Variants in SYTL1 observed in about 807,000 individuals in gnomAD.
SYTL1 encodes the protein synaptotagmin-like protein 1.
SYTL1 carries 53 observed loss-of-function variants against 74.6 expected under a neutral mutation model. That is an observed-to-expected ratio of 0.71 (90% CI 0.57 to 0.89). The LOEUF (loss-of-function observed/expected upper bound fraction) is 0.89. SYTL1 is among the 40% of genes least tolerant of loss of function. The pLI, the probability that SYTL1 is intolerant of heterozygous loss-of-function variation, is 0.00. For synonymous variants in SYTL1, 329 were observed against 324.9 expected (o/e 1.01, Z -0.14); for missense variants, 728 against 768.7 (o/e 0.95, Z 0.63).
intron 2 of SYTL1, among the ~76,000 whole-genome samples, chr1:27,346,408 ACCT>A (rs2015005272): frequency 6.6e-6 from 1 of 151,884 alleles, no homozygotes; most frequent in Non-Finnish European, 1.5e-5. Flanking sequence ...AACTCACCTG[ACCT>A]CCTTGAGCAC....
Position 27,347,857 on chromosome 1 carries a change from G to A in SYTL1, c.390G>A (p.Glu130=). Residue 130 remains glutamate (E), a synonymous_variant, in exon 4 of 15, where the codon GAG becomes GAA. Transcript: ENST00000616558. This position sits in a 1 kb window ranked among gnomAD's most constrained non-coding sequence, Gnocchi z 4.9. ...GGGAGGCTGAGGCTGCTGTGAAAGA[G>A]AAGGAAGAGGGGCCAGAGCCCAGGT... ...HDREAEAAVK[E]KEEGPEPRLT... The A allele has an allele frequency of 6.2e-7, 1 of 1,614,086 alleles. No homozygotes were observed. Among genetic ancestry groups the A allele is most frequent in the South Asian group, 1.1e-5 (1 of 91,072 alleles).
rs1226650504 is a variant in SYTL1, at chr1:27,347,091, C to T, written c.192-330C>T. On this transcript the variant is annotated intron_variant, in intron 2 of 14. Coordinates refer to ENST00000616558, the MANE Select transcript of SYTL1 (RefSeq NM_001193308.2). This position sits in a 1 kb window ranked among gnomAD's most constrained non-coding sequence, Gnocchi z 4.9. The stretch of plus-strand genomic sequence containing the variant: ...GAGCTGAGATTGCGCCACAGCACTC[C>T]AGCCTGGGCATAGAGGGAGACTCCA... Among the ~76,000 whole-genome samples the T allele has an allele frequency of 1.2e-4, 19 of 152,226 alleles. No homozygotes were observed. Among genetic ancestry groups the T allele is most frequent in the Non-Finnish European group, 1.5e-5 (1 of 68,046 alleles).
Position 27,351,428 on chromosome 1 carries a change from T to A in SYTL1, c.1244-28T>A. 1 of 1,510,252 alleles carries A rather than the reference T, an allele frequency of 6.6e-7. No individual in the cohort carries two copies. Among genetic ancestry groups the A allele is most frequent in the Non-Finnish European group, 8.9e-7 (1 of 1,124,604 alleles). 93.6% of individuals were successfully genotyped at this position (1,510,252 alleles called of 1,614,324 possible). Reference sequence around the variant, plus strand: ...TTGGGGGCGGTGGACTCCATCCGTGTGCGGGCCTGAGCCGAGCCTCTCCGC... The same window carrying A: ...TTGGGGGCGGTGGACTCCATCCGTGAGCGGGCCTGAGCCGAGCCTCTCCGC... On this transcript the variant is annotated intron_variant, in intron 12 of 14. Transcript: ENST00000616558. This position sits in a 1 kb window ranked among gnomAD's most constrained non-coding sequence, Gnocchi z 5.0.
chr1:27,351,592 T>C lies in SYTL1; in HGVS notation c.1343+37T>C. 1 of 1,377,070 alleles carries C rather than the reference T, an allele frequency of 7.3e-7. No individual in the cohort carries two copies. The highest frequency in any genetic ancestry group is 9.8e-7 in the Non-Finnish European group (1 of 1,015,318). 85.3% of individuals were successfully genotyped at this position (1,377,070 alleles called of 1,614,324 possible). A position where few individuals can be genotyped will look rare whatever the true frequency, so the allele number is the denominator to read the frequency against. ...TGGCCCTCCGGGCTTCCCATTCTTT[T>C]GCCTGCAGTGGAGTGCCCAACCTCC... On this transcript the variant is annotated intron_variant, in intron 13 of 14. Coordinates refer to ENST00000616558, the MANE Select transcript of SYTL1 (RefSeq NM_001193308.2). This position sits in a 1 kb window ranked among gnomAD's most constrained non-coding sequence, Gnocchi z 5.0.
intron 2 of SYTL1, among the ~76,000 whole-genome samples, chr1:27,346,429 G>A (rs915352451): frequency 3.9e-5 from 6 of 152,266 alleles, no homozygotes; most frequent in Middle Eastern, 3.4e-3. Flanking sequence ...CACCATGCTC[G>A]TCGTCTGTAA....
intron 6 of SYTL1, 29 bp downstream of exon 6, chr1:27,349,181 G>A (rs200560324): frequency 3.1e-6 from 5 of 1,607,644 alleles, no homozygotes; most frequent in Admixed American, 1.7e-5. Context: ...TGGGGAGCAC[G>A]GAGAGGTTTC....
intron 13 of SYTL1, chr1:27,352,318 CAG>C (rs2015309511): frequency 6.6e-6 from 1 of 151,594 alleles, no homozygotes. Context: ...CTGGGCAAAA[CAG>C]AGCGAGACTC....
At chr1:27,352,214 G>A (rs2015306495) in intron 13 of SYTL1, 1 of 151,986 alleles carries the variant, frequency 6.6e-6, no homozygotes. Context: ...GGTGGTGGGT[G>A]CCTGTAATCC....
Position 27,347,764 on chromosome 1 carries a change from C to G in SYTL1, c.341-44C>G, listed in dbSNP as rs1356882961. 3 of 1,590,038 alleles carry G rather than the reference C, an allele frequency of 1.9e-6. No homozygotes were observed. In the African/African-American group the frequency reaches 4.0e-5, roughly 21 times the overall value. Reference sequence around the variant, plus strand: ...GGGCCTCTCCCGAGTCACAGCCAGGCTTCCTGAGCATGGGGGCTCACAGAA... The same window carrying G: ...GGGCCTCTCCCGAGTCACAGCCAGGGTTCCTGAGCATGGGGGCTCACAGAA... On this transcript the variant is annotated intron_variant, in intron 3 of 14. Transcript: ENST00000616558. The surrounding 1 kb of genome is among the most constrained non-coding windows in gnomAD (Gnocchi z 4.9).
At chr1:27,344,170 C>T (rs1402903646) in intron 1 of SYTL1, among the ~76,000 whole-genome samples, 1 of 151,806 alleles carries the variant, frequency 6.6e-6, no homozygotes, top group Admixed American at 6.6e-5. Flanking sequence ...ATGGTGTGAT[C>T]TCGGTTTACC....
rs758369611 is a variant in SYTL1 at position 27,350,354 on chromosome 1, G to A, written c.909-35G>A. ...ACAGGCAGGGGAGAAGGCTCTGGGA[G>A]GGCCCCTCCTCACCTCGGGTTCTCA... is the stretch of plus-strand genomic sequence containing the variant. On this transcript the variant is annotated intron_variant, in intron 9 of 14. Transcript: ENST00000616558. The surrounding 1 kb of genome is among the most constrained non-coding windows in gnomAD (Gnocchi z 6.3). The A allele has an allele frequency of 2.5e-6, 4 of 1,584,612 alleles. No homozygotes were observed. The South Asian group carries it at 4.4e-5, about 18-fold the overall frequency.
In SYTL1 at chr1:27,353,465, G is replaced by T. The variant is rs747840939; in HGVS notation, c.1526G>T (p.Gly509Val). 6.2e-7 allele frequency: 1 copy of T among 1,604,692 alleles called. No individual in the cohort carries two copies. Among genetic ancestry groups the T allele is most frequent in the African/African-American group, 1.3e-5 (1 of 74,890 alleles). The stretch of plus-strand genomic sequence containing the variant: ...GCCCTGGCCAACCGCCAGCTGGGGG[G>T]CACACGCCTCAGCCTGGGCACCGGT... ...HGALANRQLG[G>V]TRLSLGTGSS... The change falls in exon 14 of 15, where the codon GGC becomes GTC. Residue 509 changes from glycine to valine, a missense_variant. Coordinates refer to ENST00000616558, the MANE Select transcript of SYTL1 (RefSeq NM_001193308.2).
Position 27,342,871 on chromosome 1 carries a change from A to G in SYTL1, c.-39+721A>G, listed in dbSNP as rs1463658660. Reference sequence around the variant, plus strand: ...AGGCCGAACGTGGGCTCACACCCCAATCCACAGGGGAGGCCGAACGTGGGC... The same window carrying G: ...AGGCCGAACGTGGGCTCACACCCCAGTCCACAGGGGAGGCCGAACGTGGGC... On this transcript the variant is annotated intron_variant, in intron 1 of 14. Coordinates refer to ENST00000616558, the MANE Select transcript of SYTL1 (RefSeq NM_001193308.2). This position sits in a 1 kb window ranked among gnomAD's most constrained non-coding sequence, Gnocchi z 4.7. 2.0e-5 allele frequency among the ~76,000 whole-genome samples: 3 copies of G among 151,944 alleles called. No individual in the cohort carries two copies. Among genetic ancestry groups the G allele is most frequent in the Non-Finnish European group, 4.4e-5 (3 of 67,876 alleles).
intron 2 of SYTL1, among the ~76,000 whole-genome samples, chr1:27,346,966 T>C (rs924820935): frequency 4.0e-5 from 6 of 150,964 alleles, no homozygotes; most frequent in East Asian, 2.0e-4. Context: ...AAAAAATATA[T>C]AAAAAATTAG....
In SYTL1 at chr1:27,343,336, G is replaced by C. The variant is rs2014855170; in HGVS notation, c.-39+1186G>C. 1.3e-5 allele frequency: 2 copies of C among 152,446 alleles called. No individual in the cohort carries two copies. The highest frequency in any genetic ancestry group is 6.5e-5 in the Admixed American group (1 of 15,296). 9.4% of individuals were successfully genotyped at this position (152,446 alleles called of 1,614,324 possible). On this transcript the variant is annotated intron_variant, in intron 1 of 14. Transcript: ENST00000616558. This position sits in a 1 kb window ranked among gnomAD's most constrained non-coding sequence, Gnocchi z 5.2. ...ACCGCCGGGACCCCAGCCTGGTCTGGGGAGAACTGTGTGGCCAGAACAGAG... is the reference window on the plus strand; with the variant it reads ...ACCGCCGGGACCCCAGCCTGGTCTGCGGAGAACTGTGTGGCCAGAACAGAG...
At position 27,343,074 on chromosome 1, in the gene SYTL1, G is replaced by A. The variant is rs1043721730; in HGVS notation, c.-39+924G>A. ...AGGGGACAGAGCATAGCAGGCGGCGGACACAAGCCAGGACCTGCCCGCCAA... is the reference window on the plus strand; with the variant it reads ...AGGGGACAGAGCATAGCAGGCGGCGAACACAAGCCAGGACCTGCCCGCCAA... On this transcript the variant is annotated intron_variant, in intron 1 of 14. Transcript: ENST00000616558. This position sits in a 1 kb window ranked among gnomAD's most constrained non-coding sequence, Gnocchi z 5.2. 5.9e-5 allele frequency among the ~76,000 whole-genome samples: 9 copies of A among 152,218 alleles called. No individual in the cohort carries two copies. The highest frequency in any genetic ancestry group is 1.9e-4 in the African/African-American group (8 of 41,460).
In SYTL1 at chr1:27,348,823, GGCA is replaced by G. The variant is rs2015110341; in HGVS notation, c.460-255_460-253del. On this transcript the variant is annotated intron_variant, in intron 5 of 14. Coordinates refer to ENST00000616558, the MANE Select transcript of SYTL1 (RefSeq NM_001193308.2). The surrounding 1 kb of genome is among the most constrained non-coding windows in gnomAD (Gnocchi z 4.1). ...GAAAGGAATGGGACTGGCCTGGCCT[GGCA>G]GAGGTGGAGGACTCAGGTACGAATG... 1.3e-5 allele frequency among the ~76,000 whole-genome samples: 2 copies of G among 152,350 alleles called. No homozygotes were observed. The highest frequency in any genetic ancestry group is 2.9e-5 in the Non-Finnish European group (2 of 68,044).
Position 27,351,161 on chromosome 1 carries a change from G to T in SYTL1, c.1165-97G>T, listed in dbSNP as rs936200774. The T allele has an allele frequency of 2.8e-5, 40 of 1,438,898 alleles. No homozygotes were observed. The highest frequency in any genetic ancestry group is 3.8e-5 in the Non-Finnish European group (40 of 1,061,786). The allele number at this position is 1,438,898 out of a possible 1,614,324, so 89.1% of individuals were successfully genotyped here. A position where few individuals can be genotyped will look rare whatever the true frequency, so the allele number is the denominator to read the frequency against. Reference sequence around the variant, plus strand: ...AGGTTCTGCCCCTGCAGGCCCCGCCGTCTCTTCTAGCCGCACCCCATCCGG... The same window carrying T: ...AGGTTCTGCCCCTGCAGGCCCCGCCTTCTCTTCTAGCCGCACCCCATCCGG... On this transcript the variant is annotated intron_variant, in intron 11 of 14. Coordinates refer to ENST00000616558, the MANE Select transcript of SYTL1 (RefSeq NM_001193308.2). The surrounding 1 kb of genome is among the most constrained non-coding windows in gnomAD (Gnocchi z 5.0).
Position 27,349,971 on chromosome 1 carries a change from G to A in SYTL1, c.748-1G>A, listed in dbSNP as rs747231782. The A allele has an allele frequency of 4.4e-6, 7 of 1,573,086 alleles. No homozygotes were observed. The highest frequency in any genetic ancestry group is 6.0e-6 in the Non-Finnish European group (7 of 1,168,516). On this transcript the variant is annotated splice_acceptor_variant, in intron 8 of 14. Transcript: ENST00000616558. LOFTEE classifies it high-confidence loss of function. ...TGACTCCCACCCACTCCCGTCCGCA[G>A]CTGAGCGGCAGCCAGATGAGCCTGT...
Sources: allele counts gnomAD v4.1 joint callset (sites outside exome capture counted in the v4.1 genomes callset), GRCh38; gene constraint gnomAD v4.1.1; non-coding constraint Gnocchi (gnomAD v3.1); transcripts MANE v1.5; gene names NCBI Gene and HGNC (gene_info 2026-07-23, HGNC 2026-07-21).